Variants in ABCA8 observed in about 807,000 individuals in gnomAD.
ABCA8 encodes ATP binding cassette subfamily A member 8, also known as ABC-type organic anion transporter ABCA8.
In ABCA8, 177 loss-of-function variants were observed where a neutral mutation model predicts 192.3. The ratio of observed to expected loss-of-function variants is 0.92; its 90% CI spans 0.81 to 1.04. ABCA8 has a LOEUF of 1.04. Among genes scored for constraint, ABCA8 ranks in the 50% least tolerant of loss-of-function variants. The probability of loss-of-function intolerance (pLI) is 0.00; values close to 1 mark genes in which losing one functional copy is unlikely to be tolerated. For missense variants in ABCA8, 1,915 were observed against 1,904.8 expected, an observed-to-expected ratio of 1.01 and a Z score of -0.10; for synonymous variants, 642 against 690.2, an observed-to-expected ratio of 0.93 and a Z score of 1.09.
At chr17:68,950,212 A>G (rs115072748) in intron 1 of ABCA8, among the ~76,000 whole-genome samples, 9,827 of 152,208 alleles carry the variant, frequency 0.065, 1,061 homozygotes, top group African/African-American at 0.22. Context: ...AAATGGAAAA[A>G]CATTTCGTGC....
intron 24 of ABCA8, among the ~76,000 whole-genome samples, chr17:68,887,878 CTCCATATATATATATATATATATATATA>C (rs1413666958): frequency 1.9e-5 from 1 of 53,546 alleles, no homozygotes; most frequent in Non-Finnish European, 3.1e-5. Context: ...CTTTTCTCTC[CTCCATATATATATATATATATATATATA>C]TCCATATATA....
chr17:68,894,805 A>G (rs2066704202), intron 22 of ABCA8, 75 bp downstream of exon 22: 1 of 1,456,314 alleles, frequency 6.9e-7, no homozygotes, highest in African/African-American at 1.4e-5. Context: ...TTATTTCTTA[A>G]GTTGGAAGCC....
In ABCA8 at chr17:68,922,223, T is replaced by TAAA; in HGVS notation, c.1501+18_1501+19insTTT. On this transcript the variant is annotated intron_variant, in intron 12 of 39. Transcript: ENST00000586539. ...TTTTTTTTTTTTTTTTTTTTTTTTT[T>TAAA]TTTTTTTTTTTTTTTTACCTTTCAA... is the stretch of plus-strand genomic sequence containing the variant. 6.5e-5 allele frequency: 11 copies of TAAA among 170,514 alleles called. No individual in the cohort carries two copies. Among genetic ancestry groups the TAAA allele is most frequent in the Non-Finnish European group, 7.8e-5 (8 of 102,226 alleles). The allele number at this position is 170,514 out of a possible 1,614,324, so 10.6% of individuals were successfully genotyped here. A position where few individuals can be genotyped will look rare whatever the true frequency, so the allele number is the denominator to read the frequency against.
rs150459906 is a variant in ABCA8 at position 68,892,820 on chromosome 17, G to T, written c.3037-1224C>A. On this transcript the variant is annotated intron_variant, in intron 23 of 39. Coordinates refer to ENST00000586539, the MANE Select transcript of ABCA8 (RefSeq NM_001288985.2). Reference sequence around the variant, plus strand: ...AGTACAGTGAGATATGGTGTGAGAAGGAAACTGAAGATCTTGCTGGACCAT... The same window carrying T: ...AGTACAGTGAGATATGGTGTGAGAATGAAACTGAAGATCTTGCTGGACCAT... Among the ~76,000 whole-genome samples, 58 of 152,256 alleles carry T rather than the reference G, an allele frequency of 3.8e-4. No individual in the cohort carries two copies. In the East Asian group the frequency reaches 9.9e-3, roughly 26 times the overall value.
chr17:68,905,618 AAAG>A (rs1220637260), intron 19 of ABCA8, among the ~76,000 whole-genome samples: 6 of 152,156 alleles, frequency 3.9e-5, no homozygotes, highest in Non-Finnish European at 8.8e-5. Context: ...AAGAAAAAAA[AAAG>A]AAAAACCTGA....
At chr17:68,933,381 C>G in intron 5 of ABCA8, 110 bp from the exon 6 acceptor site, 1 of 640,910 alleles carries the variant, frequency 1.6e-6, no homozygotes, top group African/African-American at 1.9e-5. Flanking sequence ...ACCCCAAATT[C>G]CAAATGTTCT....
chr17:68,930,338 T>C (rs904324350), intron 7 of ABCA8, among the ~76,000 whole-genome samples: 4 of 152,206 alleles, frequency 2.6e-5, no homozygotes, highest in Non-Finnish European at 4.4e-5. Flanking sequence ...TCTGGATGTG[T>C]TCACTGAAAA....
At chr17:68,923,203 A>AT (rs200231831) in intron 11 of ABCA8, among the ~76,000 whole-genome samples, 5,993 of 110,956 alleles carry the variant, frequency 0.054, 362 homozygotes, top group African/African-American at 0.14. Context: ...TATTATTATT[A>AT]TTATTTTTTT....
chr17:68,921,782 G>C (rs2067539727), intron 12 of ABCA8, among the ~76,000 whole-genome samples: 1 of 152,036 alleles, frequency 6.6e-6, no homozygotes, highest in African/African-American at 2.4e-5. Context: ...GCATATGGTA[G>C]GTCAATGTTA....
At chr17:68,885,131 T>C (rs906910964) in intron 27 of ABCA8, 65 bp downstream of exon 27, 24 of 1,528,872 alleles carry the variant, frequency 1.6e-5, no homozygotes, top group African/African-American at 1.5e-4. Flanking sequence ...ACCTTCAACA[T>C]TGGGCAAAGC....
chr17:68,889,181 G>A (rs1445184455), intron 24 of ABCA8, among the ~76,000 whole-genome samples: 1 of 152,194 alleles, frequency 6.6e-6, no homozygotes, highest in East Asian at 1.9e-4. Flanking sequence ...GGGCAACAGA[G>A]AGAGAGAAAA....
chr17:68,953,740 A>G (rs1009040419), intron 1 of ABCA8, among the ~76,000 whole-genome samples: 5 of 152,184 alleles, frequency 3.3e-5, no homozygotes, highest in Non-Finnish European at 4.4e-5. Flanking sequence ...CACTCCGTAT[A>G]CAGACATACC....
rs747926096 is a variant in ABCA8, at chr17:68,903,339, C to G, written c.2559G>C (p.Leu853Phe). Residue 853 changes from leucine to phenylalanine, a missense_variant, in exon 20 of 40, where the codon TTG becomes TTC. Transcript: ENST00000586539. The part of the protein sequence containing the change: ...QQICAIARVR[L>F]LKLKHERKAL... The stretch of plus-strand genomic sequence containing the variant: ...CTTTTCTTTCATGCTTTAACTTTAA[C>G]AAGCGAACCCTTGCAATTGCGCAGA... 4.2e-5 allele frequency: 68 copies of G among 1,614,066 alleles called. 1 individual carries two copies. The Admixed American group carries it at 8.3e-4, about 20-fold the overall frequency.
chr17:68,891,453 T>G, intron 24 of ABCA8, 36 bp downstream of exon 24: 1 of 1,457,988 alleles, frequency 6.9e-7, no homozygotes, highest in South Asian at 1.2e-5. Context: ...CTTTCAATTA[T>G]GCAAAATAAT....
At chr17:68,894,057 G>A (rs753807408) in intron 23 of ABCA8, 116 bp downstream of exon 23, 3 of 1,128,890 alleles carry the variant, frequency 2.7e-6, no homozygotes, top group Non-Finnish European at 3.9e-6. Flanking sequence ...GAGTCCAAAT[G>A]TTAATTTATT....
chr17:68,928,107 A>G (rs1452810561), intron 9 of ABCA8, 44 bp from the exon 10 acceptor site: 1 of 1,473,406 alleles, frequency 6.8e-7, no homozygotes, highest in Non-Finnish European at 9.3e-7. Context: ...TAGGTATAAG[A>G]TACATTTTAA....
chr17:68,945,280 T>G (rs2143791619), intron 2 of ABCA8, among the ~76,000 whole-genome samples: 1 of 152,296 alleles, frequency 6.6e-6, no homozygotes, highest in African/African-American at 2.4e-5. Context: ...AGCGTCGTCT[T>G]ATATGTTGAA....
Position 68,940,956 on chromosome 17 carries a change from G to A in ABCA8, c.103C>T (p.Leu35=), listed in dbSNP as rs1267271254. 1 of 1,600,246 alleles carries A rather than the reference G, an allele frequency of 6.2e-7. No individual in the cohort carries two copies. The highest frequency in any genetic ancestry group is 1.3e-5 in the African/African-American group (1 of 74,522). Residue 35 remains leucine, a synonymous_variant, in exon 4 of 40, where the codon CTG becomes TTG. Transcript: ENST00000586539. The stretch of plus-strand genomic sequence containing the variant: ...CAAAGTAGTAGGAGCAATGAATTCA[G>A]CCATTCCTATATAATACAGGAAAAA... The part of the protein sequence containing the change: ...RMKRESLMEW[L]NSLLLLLCLY...
At chr17:68,892,688 A>G (rs560937433) in intron 23 of ABCA8, among the ~76,000 whole-genome samples, 186 of 152,354 alleles carry the variant, frequency 1.2e-3, no homozygotes, top group Non-Finnish European at 2.2e-3. Context: ...GAAGTGAACC[A>G]TAGCATATAT....
Sources: allele counts gnomAD v4.1 joint callset (sites outside exome capture counted in the v4.1 genomes callset), GRCh38; gene constraint gnomAD v4.1.1; transcripts MANE v1.5; gene names NCBI Gene and HGNC (gene_info 2026-07-23, HGNC 2026-07-21).